The following TAS1R1 variants were observed in gnomAD, a reference collection of about 807,000 sequenced individuals.
TAS1R1 encodes taste receptor type 1 member 1.
In TAS1R1, 31 loss-of-function variants were observed where a neutral mutation model predicts 45.8. That is an observed-to-expected ratio of 0.68 (90% confidence interval 0.51 to 0.91). TAS1R1 has a LOEUF of 0.91. TAS1R1 is among the 40% of genes least tolerant of loss of function. The pLI is 0.00. For synonymous variants in TAS1R1, 437 were observed against 448.4 expected (o/e 0.97, Z 0.32); for missense variants, 1,051 against 1,063.9 (o/e 0.99, Z 0.17).
chr1:6,578,583 G>T, intron 5 of TAS1R1, 70 bp from the exon 6 acceptor site: 1 of 1,511,602 alleles, frequency 6.6e-7, no homozygotes, highest in South Asian at 1.4e-5. Flanking sequence ...CCAGTATCTT[G>T]CAGGCCCCTA....
At chr1:6,572,112 C>T (rs1049453613) in intron 2 of TAS1R1, among the ~76,000 whole-genome samples, 1 of 152,144 alleles carries the variant, frequency 6.6e-6, no homozygotes, top group East Asian at 1.9e-4. Context: ...CTCCCTGCCC[C>T]TTCCCATGGG....
At chr1:6,561,433 C>T (rs746943287) in intron 1 of TAS1R1, among the ~76,000 whole-genome samples, 5 of 152,228 alleles carry the variant, frequency 3.3e-5, no homozygotes, top group East Asian at 1.9e-4. Flanking sequence ...TATCTGGGGC[C>T]GGGCACGGTA....
chr1:6,575,063 G>GGGGT lies in TAS1R1; in HGVS notation c.933_936dup (p.Pro313GlyfsTer27), dbSNP rs760829737. The GGGGT allele has an allele frequency of 1.3e-6, 2 of 1,589,038 alleles. No homozygotes were observed. Among genetic ancestry groups the GGGGT allele is most frequent in the Non-Finnish European group, 1.7e-6 (2 of 1,166,642 alleles). On this transcript the variant is annotated frameshift_variant, in exon 3 of 6. Transcript: ENST00000333172. LOFTEE classifies it high-confidence loss of function. Reference sequence around the variant, plus strand: ...CTGGGCCCTCTCCAGGCACATCACTGGGGTGCCCGGGATCCAGCGCATTGG... The same window carrying GGGGT: ...CTGGGCCCTCTCCAGGCACATCACTGGGGTGGGTGCCCGGGATCCAGCGCATTGG...
rs200684783 is a variant in TAS1R1, at chr1:6,575,691, C to CTT, written c.1260+302_1260+303dup. On this transcript the variant is annotated intron_variant, in intron 3 of 5. Coordinates refer to ENST00000333172, the MANE Select transcript of TAS1R1 (RefSeq NM_138697.4). ...CCACCACCATGCCTGGATAATTTTTCTTTTCTTTTTTTTTTTTTTGAGATA... is the reference window on the plus strand; with the variant it reads ...CCACCACCATGCCTGGATAATTTTTCTTTTTTCTTTTTTTTTTTTTTGAGATA... Among the ~76,000 whole-genome samples the CTT allele has an allele frequency of 1.2e-4, 10 of 83,884 alleles. 1 individual carries two copies. Among genetic ancestry groups the CTT allele is most frequent in the Admixed American group, 2.6e-4 (2 of 7,718 alleles). The allele number at this position is 83,884 out of a possible 152,430, so 55.0% of individuals were successfully genotyped here.
At chr1:6,562,807 A>G (rs151300357) in intron 1 of TAS1R1, among the ~76,000 whole-genome samples, 1,831 of 152,266 alleles carry the variant, frequency 0.012, 26 homozygotes, top group Middle Eastern at 0.065. Flanking sequence ...ACACAAGAAA[A>G]ATGTACCTTG....
At chr1:6,577,114 G>GGCTGC in intron 5 of TAS1R1, 44 bp downstream of exon 5, 1 of 1,611,574 alleles carries the variant, frequency 6.2e-7, no homozygotes, top group Non-Finnish European at 8.5e-7. Flanking sequence ...CACTCCCGGG[G>GGCTGC]GCTGCACGGT....
chr1:6,578,877 C>T lies in TAS1R1; in HGVS notation c.1819C>T (p.Leu607Phe). The change falls in exon 6 of 6, where the codon CTT becomes TTT. Residue 607 changes from leucine to phenylalanine, a missense_variant. Leu to Phe is a conservative substitution (Grantham distance 22). Transcript: ENST00000333172. Reference sequence around the variant, plus strand: ...GTCAGCAGGGGGCCGCCTGTGCTTTCTTATGCTGGGCTCCCTGGCAGCAGG... The same window carrying T: ...GTCAGCAGGGGGCCGCCTGTGCTTTTTTATGCTGGGCTCCCTGGCAGCAGG... ...VRSAGGRLCFLMLGSLAAGSG... is the reference protein window; with the variant it reads ...VRSAGGRLCFFMLGSLAAGSG... The T allele has an allele frequency of 6.2e-7, 1 of 1,609,746 alleles. No homozygotes were observed. Among genetic ancestry groups the T allele is most frequent in the Non-Finnish European group, 8.5e-7 (1 of 1,176,940 alleles).
intron 1 of TAS1R1, among the ~76,000 whole-genome samples, chr1:6,560,384 G>A (rs1205524705): frequency 6.6e-6 from 1 of 152,210 alleles, no homozygotes; most frequent in Non-Finnish European, 1.5e-5. Flanking sequence ...GCAATCAGAG[G>A]AGGCAACAGC....
rs776052335 is a variant in TAS1R1, at chr1:6,555,323, C to T, written c.-51C>T. ...AGCTGCCTTCTATTTAAGCAACTGG[C>T]CTCCTTAGAGGCCACTCCTTGGCCA... On this transcript the variant is annotated 5_prime_UTR_variant, in exon 1 of 6. Transcript: ENST00000333172. The T allele has an allele frequency of 2.0e-6, 3 of 1,480,966 alleles. No individual in the cohort carries two copies. The highest frequency in any genetic ancestry group is 2.8e-5 in the African/African-American group (2 of 71,654). The allele number at this position is 1,480,966 out of a possible 1,614,324, so 91.7% of individuals were successfully genotyped here.
At chr1:6,577,113 G>T (rs774807124) in intron 5 of TAS1R1, 43 bp downstream of exon 5, 2 of 1,611,396 alleles carry the variant, frequency 1.2e-6, no homozygotes, top group African/African-American at 2.7e-5. Flanking sequence ...GCACTCCCGG[G>T]GGCTGCACGG....
chr1:6,577,329 T>C (rs1640207063), intron 5 of TAS1R1, among the ~76,000 whole-genome samples: 1 of 150,620 alleles, frequency 6.6e-6, no homozygotes, highest in South Asian at 2.1e-4. Context: ...AGGTCGGGAG[T>C]TCGAGACCAG....
Position 6,559,983 on chromosome 1 carries a change from A to G in TAS1R1, c.191+4419A>G, listed in dbSNP as rs1314689146. On this transcript the variant is annotated intron_variant, in intron 1 of 5. Transcript: ENST00000333172. ...CCAGCCTGGACAACAAGGCAACAAGAGTGAAACTCTGTCTCAAAAAAAAAA... is the reference window on the plus strand; with the variant it reads ...CCAGCCTGGACAACAAGGCAACAAGGGTGAAACTCTGTCTCAAAAAAAAAA... Among the ~76,000 whole-genome samples, 3 of 128,076 alleles carry G rather than the reference A, an allele frequency of 2.3e-5. No individual in the cohort carries two copies. The East Asian group carries it at 7.5e-4, about 32-fold the overall frequency. 84.0% of individuals were successfully genotyped at this position (128,076 alleles called of 152,430 possible). A position where few individuals can be genotyped will look rare whatever the true frequency, so the allele number is the denominator to read the frequency against.
rs1245599504 is a variant in TAS1R1, at chr1:6,575,347, C to G, written c.1215C>G (p.Gly405=). ...CCCATGGCCTCCACCAGCTCCTGGG[C>G]TGTGCCTCTGGAGCTTGTTCCAGGG... ...AVAHGLHQLL[G]CASGACSRGR... The change falls in exon 3 of 6, where the codon GGC becomes GGG. Residue 405 remains glycine, a synonymous_variant. Coordinates refer to ENST00000333172, the MANE Select transcript of TAS1R1 (RefSeq NM_138697.4). The G allele has an allele frequency of 6.2e-7, 1 of 1,602,840 alleles. No individual in the cohort carries two copies. The highest frequency in any genetic ancestry group is 8.5e-7 in the Non-Finnish European group (1 of 1,175,424).
intron 1 of TAS1R1, among the ~76,000 whole-genome samples, chr1:6,556,965 C>T (rs1259626621): frequency 7.2e-6 from 1 of 139,776 alleles, no homozygotes; most frequent in Non-Finnish European, 1.5e-5. Flanking sequence ...GCCAAGATCA[C>T]ACCATTGCAT....
At chr1:6,568,004 G>C (rs1639907994) in intron 1 of TAS1R1, among the ~76,000 whole-genome samples, 2 of 152,032 alleles carry the variant, frequency 1.3e-5, no homozygotes, top group African/African-American at 4.8e-5. Context: ...ATCTCTTTAG[G>C]CTCTATCTAA....
In TAS1R1 at chr1:6,555,519, G is replaced by A; in HGVS notation, c.146G>A (p.Gly49Asp). ...LLAGLFPLHS[G>D]CLQVRHRPEV... ...GCAGGCCTGTTCCCTCTCCATTCTG[G>A]CTGTCTGCAGGTGAGGCACAGACCC... The change falls in exon 1 of 6, where the codon GGC becomes GAC. Residue 49 changes from glycine to aspartate, a missense_variant. Transcript: ENST00000333172. 2 of 1,558,998 alleles carry A rather than the reference G, an allele frequency of 1.3e-6. No homozygotes were observed. The highest frequency in any genetic ancestry group is 1.2e-5 in the South Asian group (1 of 84,662).
At position 6,571,225 on chromosome 1, in the gene TAS1R1, A is replaced by G; in HGVS notation, c.498+10A>G. 6.4e-7 allele frequency: 1 copy of G among 1,551,476 alleles called. No homozygotes were observed. Among genetic ancestry groups the G allele is most frequent in the Non-Finnish European group, 8.7e-7 (1 of 1,149,260 alleles). On this transcript the variant is annotated intron_variant, in intron 2 of 5. Transcript: ENST00000333172. ...TTTCCTGGTGCCCATGGTAAGCTGG[A>G]GCCTCAGACCTTTGCCCATCTCCCT...
intron 1 of TAS1R1, among the ~76,000 whole-genome samples, chr1:6,567,395 C>G (rs1301369372): frequency 6.6e-6 from 1 of 151,228 alleles, no homozygotes; most frequent in Non-Finnish European, 1.5e-5. Flanking sequence ...CCCGTCTCTA[C>G]TAAAAATACA....
In TAS1R1 at chr1:6,575,119, G is replaced by A. The variant is rs1450115401; in HGVS notation, c.987G>A (p.Arg329=). The A allele has an allele frequency of 2.5e-6, 4 of 1,584,828 alleles. No homozygotes were observed. ...GMVLGVAIQK[R]AVPGLKAFEE... Reference sequence around the variant, plus strand: ...TGCTGGGCGTGGCCATCCAGAAGAGGGCTGTCCCTGGCCTGAAGGCGTTTG... The same window carrying A: ...TGCTGGGCGTGGCCATCCAGAAGAGAGCTGTCCCTGGCCTGAAGGCGTTTG... Residue 329 remains arginine (R), a synonymous_variant, in exon 3 of 6, where the codon AGG becomes AGA. Coordinates refer to ENST00000333172, the MANE Select transcript of TAS1R1 (RefSeq NM_138697.4).
Sources: gnomAD v4.1 joint callset for allele counts (sites outside exome capture counted in the v4.1 genomes callset) on GRCh38, gnomAD v4.1.1 for gene constraint, MANE v1.5 for transcripts, NCBI Gene and HGNC (gene_info 2026-07-23, HGNC 2026-07-21) for gene names.